Variants in ATAD2B observed in about 807,000 individuals in gnomAD.
ATAD2B encodes ATPase family AAA domain-containing protein 2B.
A neutral mutation model predicts 167.6 loss-of-function variants in ATAD2B; 40 were observed. The observed-to-expected ratio is 0.24, with a 90% CI of 0.19 to 0.31. The LOEUF (loss-of-function observed/expected upper bound fraction) is 0.31. ATAD2B is among the 10% of genes least tolerant of loss of function. ATAD2B has a pLI of 1.00. For synonymous variants in ATAD2B, 579 were observed against 596.5 expected (o/e 0.97, Z 0.43); for missense variants, 1,242 against 1,757.2 (o/e 0.71, Z 5.24).
chr2:23,844,607 G>A (rs1407629867), intron 13 of ATAD2B, among the ~76,000 whole-genome samples: 1 of 152,004 alleles, frequency 6.6e-6, no homozygotes. Context: ...ATAATGAATA[G>A]GATTAATAGC....
chr2:23,771,735 T>C (rs995133697), intron 22 of ATAD2B, among the ~76,000 whole-genome samples: 1 of 152,236 alleles, frequency 6.6e-6, no homozygotes, highest in Non-Finnish European at 1.5e-5. Flanking sequence ...TCTAACTCTA[T>C]TGCGGCCCCT....
intron 2 of ATAD2B, among the ~76,000 whole-genome samples, chr2:23,895,568 T>G (rs777955812): frequency 5.3e-5 from 8 of 152,174 alleles, no homozygotes; most frequent in Admixed American, 2.6e-4. Flanking sequence ...TAAACACATA[T>G]GCATACTCAA....
At chr2:23,720,171 C>A in the ATAD2B span, among the ~76,000 whole-genome samples, 1 of 152,156 alleles carries the variant, frequency 6.6e-6, no homozygotes, top group Non-Finnish European at 1.5e-5. Context: ...ATTCTTCCCA[C>A]AAGAAAGGGC....
At chr2:23,909,286 T>A (rs1701921772) in intron 1 of ATAD2B, among the ~76,000 whole-genome samples, 1 of 151,960 alleles carries the variant, frequency 6.6e-6, no homozygotes, top group Admixed American at 6.6e-5. Context: ...GGCACATGCC[T>A]GTAGTCCCAG....
intron 18 of ATAD2B, 73 bp downstream of exon 18, chr2:23,810,243 C>A: frequency 7.4e-7 from 1 of 1,347,140 alleles, no homozygotes; most frequent in Admixed American, 2.0e-5. Flanking sequence ...ATCTTTAACA[C>A]TACACACTAG....
intron 1 of ATAD2B, among the ~76,000 whole-genome samples, chr2:23,924,177 G>A (rs145309966): frequency 0.1 from 15,621 of 151,784 alleles, 927 homozygotes; most frequent in Middle Eastern, 0.17. Flanking sequence ...GCGAGACTCC[G>A]TCTCAAAAAA....
At chr2:23,695,554 A>G in the ATAD2B span, 1 of 1,110,702 alleles carries the variant, frequency 9.0e-7, no homozygotes, top group African/African-American at 1.6e-5. The surrounding 1 kb of genome is among the most constrained non-coding windows in gnomAD (Gnocchi z 7.6). Flanking sequence ...GCCCCACACC[A>G]TTTCTTTCCG....
chr2:23,745,360 G>A (rs964012690), downstream of ATAD2B, among the ~76,000 whole-genome samples: 1 of 117,786 alleles, frequency 8.5e-6, no homozygotes, highest in Admixed American at 9.3e-5. Context: ...ATGGAAGGAA[G>A]GAAGGAAAGA....
At chr2:23,682,268 CCT>C in the ATAD2B span, among the ~76,000 whole-genome samples, 119 of 152,334 alleles carry the variant, frequency 7.8e-4, no homozygotes, top group African/African-American at 2.7e-3. The surrounding 1 kb of genome is among the most constrained non-coding windows in gnomAD (Gnocchi z 4.1). Flanking sequence ...CTGAGCGCTC[CCT>C]GTGTGCCCGC....
At chr2:23,769,705 A>T (rs1056114766) in intron 22 of ATAD2B, among the ~76,000 whole-genome samples, 2 of 138,280 alleles carry the variant, frequency 1.4e-5, no homozygotes, top group African/African-American at 2.7e-5. Context: ...ATGGTGTCTC[A>T]CTGTGGGTTT....
chr2:23,834,428 C>T (rs1193990485), intron 13 of ATAD2B, among the ~76,000 whole-genome samples: 1 of 151,968 alleles, frequency 6.6e-6, no homozygotes, highest in Admixed American at 6.6e-5. Flanking sequence ...TCGCAAAGTG[C>T]TGGGATTACG....
At chr2:23,769,015 TG>T (rs1677880197) in intron 22 of ATAD2B, among the ~76,000 whole-genome samples, 2 of 152,216 alleles carry the variant, frequency 1.3e-5, no homozygotes, top group African/African-American at 4.8e-5. Flanking sequence ...TAATTTTCCT[TG>T]GGTTAATACT....
At chr2:23,707,414 G>C in the ATAD2B span, 2 of 152,216 alleles carry the variant, frequency 1.3e-5, no homozygotes, top group East Asian at 3.9e-4. Flanking sequence ...AGTACTGAGA[G>C]GAGGAGCAGG....
At chr2:23,703,595 A>C in the ATAD2B span, 3 of 1,249,894 alleles carry the variant, frequency 2.4e-6, no homozygotes, top group South Asian at 4.7e-5. Flanking sequence ...ACCCATCCCC[A>C]GGCCAATCAG....
At chr2:23,894,745 T>A (rs1699971201) in intron 2 of ATAD2B, among the ~76,000 whole-genome samples, 1 of 152,186 alleles carries the variant, frequency 6.6e-6, no homozygotes, top group South Asian at 2.1e-4. Flanking sequence ...AGTAACATCA[T>A]CATAATGATC....
chr2:23,818,322 G>C (rs938421899), intron 17 of ATAD2B, among the ~76,000 whole-genome samples: 20 of 130,996 alleles, frequency 1.5e-4, no homozygotes, highest in Middle Eastern at 4.7e-3. Flanking sequence ...AAGAGAGAGA[G>C]ACAGAGAGAC....
chr2:23,889,625 A>T (rs751456582), intron 2 of ATAD2B, among the ~76,000 whole-genome samples: 1 of 152,106 alleles, frequency 6.6e-6, no homozygotes, highest in Admixed American at 6.6e-5. Flanking sequence ...TAAAGGGTAT[A>T]AACAAAAACT....
chr2:23,773,208 T>C (rs1678598044), intron 22 of ATAD2B, among the ~76,000 whole-genome samples: 1 of 152,168 alleles, frequency 6.6e-6, no homozygotes, highest in African/African-American at 2.4e-5. Flanking sequence ...CCTGGATTCA[T>C]ATAAGAACAG....
chr2:23,815,368 G>T (rs1686283998), intron 17 of ATAD2B, among the ~76,000 whole-genome samples: 1 of 152,144 alleles, frequency 6.6e-6, no homozygotes, highest in South Asian at 2.1e-4. Context: ...GACAAAGAAA[G>T]AAATAAAAGG....
Sources: gnomAD v4.1 joint callset for allele counts (sites outside exome capture counted in the v4.1 genomes callset) on GRCh38, gnomAD v4.1.1 for gene constraint, Gnocchi (gnomAD v3.1) non-coding constraint, MANE v1.5 for transcripts, NCBI Gene and HGNC (gene_info 2026-07-23, HGNC 2026-07-21) for gene names.